The following PRIM2 variants were observed in gnomAD, a reference collection of about 807,000 sequenced individuals.
The protein encoded by PRIM2 is DNA primase large subunit.
A neutral mutation model predicts 67.3 loss-of-function variants in PRIM2; 39 were observed. That is an observed-to-expected ratio of 0.58 (90% CI 0.45 to 0.76). PRIM2 has a LOEUF of 0.76. Ranked by LOEUF, PRIM2 falls within the 30% of genes least tolerant of loss-of-function variation. The pLI is 0.00. For synonymous variants in PRIM2, 143 were observed against 198.7 expected (o/e 0.72, Z 2.36); for missense variants, 398 against 598.7 (o/e 0.66, Z 3.50).
At chr6:57,395,773 T>TA (rs1770497750) in intron 7 of PRIM2, among the ~76,000 whole-genome samples, 1 of 152,158 alleles carries the variant, frequency 6.6e-6, no homozygotes, top group Non-Finnish European at 1.5e-5. Flanking sequence ...TTTGTGCTCT[T>TA]ACAGTCTTTT....
At chr6:57,536,509 A>G (rs1195532345) in intron 9 of PRIM2, among the ~76,000 whole-genome samples, 1 of 152,236 alleles carries the variant, frequency 6.6e-6, no homozygotes, top group African/African-American at 2.4e-5. Flanking sequence ...TCTCAGGGAA[A>G]TGAAATCTTA....
At chr6:57,305,814 T>A in the PRIM2 span, among the ~76,000 whole-genome samples, 1 of 152,184 alleles carries the variant, frequency 6.6e-6, no homozygotes, top group East Asian at 1.9e-4. Context: ...AGGCACCGAA[T>A]TGTGTTATGT....
chr6:57,607,680 C>T (rs1776587729), intron 12 of PRIM2, among the ~76,000 whole-genome samples: 1 of 152,014 alleles, frequency 6.6e-6, no homozygotes, highest in East Asian at 1.9e-4. Flanking sequence ...TAAACTGCTG[C>T]TAACATATTT....
intron 8 of PRIM2, among the ~76,000 whole-genome samples, chr6:57,515,156 T>C (rs1774456358): frequency 6.6e-6 from 1 of 152,138 alleles, no homozygotes; most frequent in Non-Finnish European, 1.5e-5. Context: ...AAGTAGAAAA[T>C]TGATTTTCAT....
At chr6:57,298,109 C>A in the PRIM2 span, among the ~76,000 whole-genome samples, 4 of 152,138 alleles carry the variant, frequency 2.6e-5, no homozygotes, top group Non-Finnish European at 5.9e-5. Flanking sequence ...TGCCTGTAGT[C>A]CCAGCACTTT....
At chr6:57,383,184 C>T (rs6459207) in intron 7 of PRIM2, 2 of 152,150 alleles carry the variant, frequency 1.3e-5, no homozygotes, top group East Asian at 1.9e-4. Flanking sequence ...ATTCTAGTTA[C>T]AGCTAAGAAT....
chr6:57,226,388 C>T, the PRIM2 span, among the ~76,000 whole-genome samples: 1 of 152,162 alleles, frequency 6.6e-6, no homozygotes, highest in Non-Finnish European at 1.5e-5. Context: ...CAGAAAAAGC[C>T]TTTAAGCAGA....
In PRIM2 at chr6:57,326,125, G is replaced by A; in HGVS notation, c.459+80G>A. ...CTGTCTTAAGTGCTGGTACTAATGT[G>A]TAGTGTGTTCTCTTTACATTCTCCA... On this transcript the variant is annotated intron_variant, in intron 5 of 13. Transcript: ENST00000615550. 2.7e-6 allele frequency: 4 copies of A among 1,492,520 alleles called. No individual in the cohort carries two copies. In the South Asian group the frequency reaches 5.1e-5, roughly 19 times the overall value. The allele number at this position is 1,492,520 out of a possible 1,614,324, so 92.5% of individuals were successfully genotyped here.
intron 5 of PRIM2, among the ~76,000 whole-genome samples, chr6:57,377,487 GTTTT>G (rs11383953): frequency 7.2e-6 from 1 of 139,442 alleles, no homozygotes; most frequent in African/African-American, 2.6e-5. Context: ...GTTTTCATTT[GTTTT>G]TTTTTTTTCA....
chr6:57,616,125 T>A (rs2127495732), intron 12 of PRIM2, among the ~76,000 whole-genome samples: 2 of 152,332 alleles, frequency 1.3e-5, no homozygotes, highest in South Asian at 4.1e-4. Context: ...TCTTTCTTAT[T>A]ATGTAGTAAT....
intron 11 of PRIM2, among the ~76,000 whole-genome samples, chr6:57,606,032 G>A (rs1480462391): frequency 6.6e-6 from 1 of 152,096 alleles, no homozygotes; most frequent in African/African-American, 2.4e-5. Context: ...TAAGAAGATT[G>A]TATAAAGTTT....
intron 7 of PRIM2, among the ~76,000 whole-genome samples, chr6:57,428,959 C>T (rs1464436122): frequency 3.9e-5 from 6 of 152,214 alleles, no homozygotes; most frequent in Admixed American, 1.3e-4. Context: ...TAATCACCAC[C>T]GCAATCAGGG....
At chr6:57,312,547 T>A (rs991996770), upstream of PRIM2, among the ~76,000 whole-genome samples, 1 of 152,208 alleles carries the variant, frequency 6.6e-6, no homozygotes, top group East Asian at 1.9e-4. Context: ...ATCCCTTAAG[T>A]TCTTAATTTA....
At chr6:57,330,908 C>G (rs1378455585) in intron 5 of PRIM2, among the ~76,000 whole-genome samples, 1 of 151,902 alleles carries the variant, frequency 6.6e-6, no homozygotes, top group Non-Finnish European at 1.5e-5. Flanking sequence ...TTGGGCCGGG[C>G]GCGGTGGCTC....
chr6:57,337,902 A>G (rs1309492544), intron 5 of PRIM2, among the ~76,000 whole-genome samples: 6 of 152,220 alleles, frequency 3.9e-5, no homozygotes, highest in Admixed American at 2.0e-4. Context: ...CCCTTCAAAA[A>G]ATTAATGAAT....
In PRIM2 at chr6:57,483,045, G is replaced by A. The variant is rs1773667638; in HGVS notation, c.694-24342G>A. On this transcript the variant is annotated intron_variant, in intron 7 of 13. Transcript: ENST00000615550. ...GTGCCTCAGCCTCCAGAGTAGCTGG[G>A]ATTACAGGTGTGACACCACGCCTGG... 2.6e-5 allele frequency among the ~76,000 whole-genome samples: 4 copies of A among 152,212 alleles called. No homozygotes were observed. In the South Asian group the frequency reaches 6.2e-4, roughly 24 times the overall value.
the PRIM2 span, among the ~76,000 whole-genome samples, chr6:57,275,363 C>G: frequency 1.3e-5 from 2 of 152,098 alleles, no homozygotes; most frequent in African/African-American, 4.8e-5. Context: ...GTGGAGCACA[C>G]CTGTAATCCC....
chr6:57,253,493 A>G, the PRIM2 span, among the ~76,000 whole-genome samples: 20 of 152,218 alleles, frequency 1.3e-4, no homozygotes, highest in Admixed American at 7.9e-4. Flanking sequence ...TCATTAGTCC[A>G]TGTGGCTATA....
chr6:57,468,735 C>T (rs1773266257), intron 7 of PRIM2, among the ~76,000 whole-genome samples: 1 of 152,138 alleles, frequency 6.6e-6, no homozygotes, highest in Admixed American at 6.5e-5. Flanking sequence ...TGGTGTATGT[C>T]ACTGACAACT....
Sources: allele counts gnomAD v4.1 joint callset (sites outside exome capture counted in the v4.1 genomes callset), GRCh38; gene constraint gnomAD v4.1.1; transcripts MANE v1.5; gene names NCBI Gene and HGNC (gene_info 2026-07-23, HGNC 2026-07-21).